The following PPP1R12B variants were observed in gnomAD, a reference collection of about 807,000 sequenced individuals.
The protein encoded by PPP1R12B is protein phosphatase 1 regulatory subunit 12B, also known as myosin phosphatase target subunit 2.
A neutral mutation model predicts 126.1 loss-of-function variants in PPP1R12B; 76 were observed. That is an observed-to-expected ratio of 0.60 (90% CI 0.50 to 0.73). PPP1R12B has a LOEUF of 0.73. Among genes scored for constraint, PPP1R12B ranks in the 30% least tolerant of loss-of-function variants. PPP1R12B has a pLI of 0.00. For missense variants in PPP1R12B, 1,052 were observed against 1,205.1 expected (o/e 0.87, Z 1.88); for synonymous variants, 356 against 434.7 (o/e 0.82, Z 2.25).
At chr1:202,489,546 T>C in intron 14 of PPP1R12B, among the ~76,000 whole-genome samples, 1 of 152,220 alleles carries the variant, frequency 6.6e-6, no homozygotes, top group East Asian at 1.9e-4. Flanking sequence ...TACTGATACA[T>C]GTTACAACAT....
At chr1:202,405,311 C>T (rs1666449115) in intron 1 of PPP1R12B, among the ~76,000 whole-genome samples, 1 of 152,152 alleles carries the variant, frequency 6.6e-6, no homozygotes, top group South Asian at 2.1e-4. Context: ...TTCCTCTAAT[C>T]CTAACTTAAA....
At chr1:202,387,183 AT>A (rs1325895493) in intron 1 of PPP1R12B, among the ~76,000 whole-genome samples, 1 of 152,210 alleles carries the variant, frequency 6.6e-6, no homozygotes, top group Non-Finnish European at 1.5e-5. Flanking sequence ...TATTAACATT[AT>A]TTTAAGCCTT....
chr1:202,559,948 A>T (rs1261463682), intron 19 of PPP1R12B, among the ~76,000 whole-genome samples: 1 of 152,188 alleles, frequency 6.6e-6, no homozygotes, highest in East Asian at 1.9e-4. Context: ...TACCAATTAA[A>T]ACAGTGAAGC....
At chr1:202,578,451 T>C (rs1558398113) in intron 23 of PPP1R12B, among the ~76,000 whole-genome samples, 1 of 152,150 alleles carries the variant, frequency 6.6e-6, no homozygotes, top group African/African-American at 2.4e-5. Flanking sequence ...AAAATCTCAT[T>C]GAAATGAGTT....
intron 1 of PPP1R12B, among the ~76,000 whole-genome samples, chr1:202,379,285 C>G (rs1260844282): frequency 2.6e-5 from 4 of 152,192 alleles, no homozygotes; most frequent in African/African-American, 9.7e-5. Context: ...GTCATTGATT[C>G]CCAATTGACT....
intron 6 of PPP1R12B, among the ~76,000 whole-genome samples, chr1:202,429,675 A>G (rs570817220): frequency 8.5e-5 from 13 of 152,326 alleles, no homozygotes; most frequent in Admixed American, 2.6e-4. Context: ...ATAAAGATTA[A>G]TGACATTAGG....
chr1:202,356,282 G>C (rs1333056860), intron 1 of PPP1R12B, among the ~76,000 whole-genome samples: 1 of 152,094 alleles, frequency 6.6e-6, no homozygotes. Context: ...TCTCATATTT[G>C]AGACAAGAGA....
At chr1:202,435,371 A>G (rs1670679329) in intron 9 of PPP1R12B, among the ~76,000 whole-genome samples, 1 of 152,236 alleles carries the variant, frequency 6.6e-6, no homozygotes, top group Non-Finnish European at 1.5e-5. Context: ...TTTTCTTTGT[A>G]TCTGAAGTTA....
At chr1:202,375,725 A>G (rs1416928040) in intron 1 of PPP1R12B, among the ~76,000 whole-genome samples, 4 of 152,102 alleles carry the variant, frequency 2.6e-5, no homozygotes, top group African/African-American at 9.7e-5. Context: ...TAATTTTTTA[A>G]TCTTTATTTT....
Position 202,422,820 on chromosome 1 carries a change from C to A in PPP1R12B, c.541+82C>A. Reference sequence around the variant, plus strand: ...AAAATAATCCATTTGCTGTGCAGAGCATTTCACTATCACATGACAGGAGAG... The same window carrying A: ...AAAATAATCCATTTGCTGTGCAGAGAATTTCACTATCACATGACAGGAGAG... On this transcript the variant is annotated intron_variant, in intron 3 of 23. Transcript: ENST00000608999. The A allele has an allele frequency of 3.8e-6, 6 of 1,582,810 alleles. No individual in the cohort carries two copies. In the South Asian group the frequency reaches 6.9e-5, roughly 18 times the overall value.
intron 13 of PPP1R12B, among the ~76,000 whole-genome samples, chr1:202,466,120 G>A (rs948987452): frequency 6.6e-6 from 1 of 152,074 alleles, no homozygotes; most frequent in African/African-American, 2.4e-5. Context: ...GCTCTCTAGG[G>A]TTACCATGTC....
intron 18 of PPP1R12B, among the ~76,000 whole-genome samples, chr1:202,512,148 A>G (rs1310301238): frequency 2.0e-5 from 3 of 152,362 alleles, no homozygotes; most frequent in African/African-American, 7.2e-5. Flanking sequence ...TCCAGGGCTA[A>G]CCCTAGAAAA....
intron 1 of PPP1R12B, among the ~76,000 whole-genome samples, chr1:202,414,897 C>G (rs1038222095): frequency 2.0e-5 from 3 of 152,168 alleles, no homozygotes; most frequent in African/African-American, 7.2e-5. Context: ...ATCCTCCCAC[C>G]TTAGCCTCCC....
intron 13 of PPP1R12B, among the ~76,000 whole-genome samples, chr1:202,472,713 A>T (rs1007320806): frequency 1.3e-5 from 2 of 152,216 alleles, no homozygotes; most frequent in African/African-American, 4.8e-5. Flanking sequence ...AAGCAAAAGG[A>T]CTTCTCTGAG....
intron 6 of PPP1R12B, 66 bp from the exon 7 acceptor site, chr1:202,430,665 C>T: frequency 6.3e-7 from 1 of 1,580,036 alleles, no homozygotes; most frequent in Non-Finnish European, 8.6e-7. Context: ...TTTTGGTTCT[C>T]AATACTGCTG....
chr1:202,425,011 C>T (rs1212805683), intron 3 of PPP1R12B, among the ~76,000 whole-genome samples: 1 of 152,116 alleles, frequency 6.6e-6, no homozygotes, highest in Non-Finnish European at 1.5e-5. Flanking sequence ...ATTTTGGATA[C>T]TCATCCTATG....
intron 1 of PPP1R12B, among the ~76,000 whole-genome samples, chr1:202,403,721 G>T (rs1225726018): frequency 6.6e-6 from 1 of 152,242 alleles, no homozygotes. Context: ...GTTCCTGAGT[G>T]TAAGTCACTT....
At chr1:202,534,397 C>T (rs1171329701) in intron 18 of PPP1R12B, among the ~76,000 whole-genome samples, 1 of 152,170 alleles carries the variant, frequency 6.6e-6, no homozygotes, top group African/African-American at 2.4e-5. Flanking sequence ...CTAAATGCTG[C>T]TGGAGTGTTG....
rs184466394 is a variant in PPP1R12B, at chr1:202,519,823, A to G, written c.2490+23001A>G. ...CTTTTTTGGTCTTCTCAGCTATTAG[A>G]AACAGACATGTTTGTAGAAAAGAAC... On this transcript the variant is annotated intron_variant, in intron 18 of 23. Transcript: ENST00000608999. Among the ~76,000 whole-genome samples, 25 of 152,254 alleles carry G rather than the reference A, an allele frequency of 1.6e-4. No individual in the cohort carries two copies. The East Asian group carries it at 4.6e-3, about 28-fold the overall frequency.
Sources: allele counts gnomAD v4.1 joint callset (sites outside exome capture counted in the v4.1 genomes callset), GRCh38; gene constraint gnomAD v4.1.1; transcripts MANE v1.5; gene names NCBI Gene and HGNC (gene_info 2026-07-23, HGNC 2026-07-21).